The following ATP6V1B2 variants were observed in gnomAD, a reference collection of about 807,000 sequenced individuals.
The protein encoded by ATP6V1B2 is ATPase H+ transporting V1 subunit B2.
Under a neutral mutation model 66.7 loss-of-function variants are expected in ATP6V1B2, and 23 were observed. The observed-to-expected ratio is 0.34, with a 90% CI of 0.25 to 0.49. ATP6V1B2 has a LOEUF of 0.49. Among genes scored for constraint, ATP6V1B2 ranks in the 20% least tolerant of loss-of-function variants. The pLI is 0.99. For synonymous variants in ATP6V1B2, 278 were observed against 236.7 expected, an observed-to-expected ratio of 1.17 and a Z score of -1.60; for missense variants, 478 against 650.8, an observed-to-expected ratio of 0.73 and a Z score of 2.89.
chr8:20,213,057 TC>T, intron 9 of ATP6V1B2, 152 bp downstream of exon 9: 1 of 1,069,960 alleles, frequency 9.3e-7, no homozygotes, highest in Non-Finnish European at 1.3e-6. Context: ...GGAAACTACT[TC>T]GTTTTTGTCA....
intron 1 of ATP6V1B2, among the ~76,000 whole-genome samples, chr8:20,198,765 G>A (rs972877244): frequency 3.3e-5 from 5 of 152,196 alleles, no homozygotes; most frequent in African/African-American, 1.2e-4. Context: ...ACTGCAGTGT[G>A]AAGAAAAAGG....
rs749916258 is a variant in ATP6V1B2 at position 20,212,206 on chromosome 8, A to G, written c.803+7A>G. On this transcript the variant is annotated splice_region_variant and intron_variant, in intron 8 of 13. Coordinates refer to ENST00000276390, the MANE Select transcript of ATP6V1B2 (RefSeq NM_001693.4). Reference sequence around the variant, plus strand: ...ACTTGGCTAATGACCCAACGTAAGTAACAGAGCTATTTCTTTCTGTGGCCC... The same window carrying G: ...ACTTGGCTAATGACCCAACGTAAGTGACAGAGCTATTTCTTTCTGTGGCCC... 6.2e-7 allele frequency: 1 copy of G among 1,611,746 alleles called. No homozygotes were observed. Among genetic ancestry groups the G allele is most frequent in the East Asian group, 2.2e-5 (1 of 44,826 alleles).
chr8:20,212,627 C>T (rs1207863421), intron 8 of ATP6V1B2, among the ~76,000 whole-genome samples, 155 bp from the exon 9 acceptor site: 1 of 152,184 alleles, frequency 6.6e-6, no homozygotes, highest in African/African-American at 2.4e-5. Flanking sequence ...TAATACCTTA[C>T]TTAAGAATTT....
At chr8:20,198,471 A>T (rs2072651085) in intron 1 of ATP6V1B2, among the ~76,000 whole-genome samples, 1 of 152,234 alleles carries the variant, frequency 6.6e-6, no homozygotes, top group Non-Finnish European at 1.5e-5. Context: ...ATTCCAAAAG[A>T]AATGGTTCTT....
chr8:20,197,496 G>A lies in ATP6V1B2; in HGVS notation c.90G>A (p.Glu30=), dbSNP rs1242315872. ...PTGGPAVGAR[E]QALAVSRNYL... ...GTGGGCCGGCGGTGGGAGCTCGGGA[G>A]CAGGCGCTGGCAGTCAGTCGGAACT... The change falls in exon 1 of 14, where the codon GAG becomes GAA. Residue 30 remains glutamate (E), a synonymous_variant. Transcript: ENST00000276390. 25 of 1,491,224 alleles carry A rather than the reference G, an allele frequency of 1.7e-5. No individual in the cohort carries two copies. Among genetic ancestry groups the A allele is most frequent in the Non-Finnish European group, 2.1e-5 (23 of 1,118,990 alleles). 92.4% of individuals were successfully genotyped at this position (1,491,224 alleles called of 1,614,324 possible).
intron 2 of ATP6V1B2, among the ~76,000 whole-genome samples, chr8:20,205,666 A>G (rs1302377666): frequency 6.6e-6 from 1 of 152,190 alleles, no homozygotes; most frequent in Middle Eastern, 3.2e-3. Flanking sequence ...TGTTTTTAAC[A>G]TAAAACATAT....
At chr8:20,199,032 G>A (rs1320677339) in intron 1 of ATP6V1B2, among the ~76,000 whole-genome samples, 1 of 152,194 alleles carries the variant, frequency 6.6e-6, no homozygotes, top group East Asian at 1.9e-4. Context: ...CTCAAAAAAG[G>A]TTATAAAGGT....
chr8:20,197,464 C>G lies in ATP6V1B2; in HGVS notation c.58C>G (p.Pro20Ala). The G allele has an allele frequency of 1.3e-6, 2 of 1,529,116 alleles. No homozygotes were observed. The highest frequency in any genetic ancestry group is 1.4e-5 in the African/African-American group (1 of 69,710). 94.7% of individuals were successfully genotyped at this position (1,529,116 alleles called of 1,614,324 possible). A position where few individuals can be genotyped will look rare whatever the true frequency, so the allele number is the denominator to read the frequency against. The change falls in exon 1 of 14, where the codon CCC (proline) becomes GCC (alanine). Residue 20 changes from proline (P) to alanine (A), a missense_variant. Pro to Ala is a conservative substitution (Grantham distance 27). Around this residue, in one of 2 missense-constraint regions of ATP6V1B2, gnomAD observed 152 missense variants for 105.2 expected, o/e 1.44. Coordinates refer to ENST00000276390, the MANE Select transcript of ATP6V1B2 (RefSeq NM_001693.4). The part of the protein sequence containing the change: ...VNGAAPELPV[P>A]TGGPAVGARE... Reference sequence around the variant, plus strand: ...CGGGGCCGCACCCGAGCTACCCGTGCCCACCGGTGGGCCGGCGGTGGGAGC... The same window carrying G: ...CGGGGCCGCACCCGAGCTACCCGTGGCCACCGGTGGGCCGGCGGTGGGAGC...
In ATP6V1B2 at chr8:20,220,251, C is replaced by CA. The variant is rs769355837; in HGVS notation, c.1397-10dup. 11 of 1,602,570 alleles carry CA rather than the reference C, an allele frequency of 6.9e-6. No individual in the cohort carries two copies. In the African/African-American group the frequency reaches 1.5e-4, roughly 22 times the overall value. On this transcript the variant is annotated splice_polypyrimidine_tract_variant and intron_variant, in intron 13 of 13. Coordinates refer to ENST00000276390, the MANE Select transcript of ATP6V1B2 (RefSeq NM_001693.4). The stretch of plus-strand genomic sequence containing the variant: ...TCATTTGCATTTATTAATTCAATCT[C>CA]AATTTTTTAAGGTCCTTACGAAAAT...
chr8:20,197,414 T>A lies in ATP6V1B2; in HGVS notation c.8T>A (p.Leu3Gln). 6.5e-7 allele frequency: 1 copy of A among 1,541,740 alleles called. No individual in the cohort carries two copies. Reference sequence around the variant, plus strand: ...CGGGACAGAGGAGACAAGATGGCGCTGCGGGCGATGCGGGGGATTGTCAAC... The same window carrying A: ...CGGGACAGAGGAGACAAGATGGCGCAGCGGGCGATGCGGGGGATTGTCAAC... The part of the protein sequence containing the change: MA[L>Q]RAMRGIVNGA... Residue 3 changes from leucine (L) to glutamine (Q), a missense_variant, in exon 1 of 14, where the codon CTG becomes CAG. Leu to Gln is a moderately radical substitution (Grantham distance 113). Coordinates refer to ENST00000276390, the MANE Select transcript of ATP6V1B2 (RefSeq NM_001693.4).
chr8:20,210,053 C>A (rs1209057157), intron 3 of ATP6V1B2, among the ~76,000 whole-genome samples: 2 of 147,266 alleles, frequency 1.4e-5, no homozygotes, highest in Non-Finnish European at 3.0e-5. Flanking sequence ...TTTGAAACAA[C>A]CCTTTAAAAA....
At chr8:20,201,901 C>A (rs544843314) in intron 1 of ATP6V1B2, among the ~76,000 whole-genome samples, 1 of 152,232 alleles carries the variant, frequency 6.6e-6, no homozygotes, top group African/African-American at 2.4e-5. Flanking sequence ...TGGTTCAGGG[C>A]ATCACATGGT....
At position 20,212,160 on chromosome 8, in the gene ATP6V1B2, A is replaced by T. The variant is rs1224141925; in HGVS notation, c.764A>T (p.Asp255Val). The T allele has an allele frequency of 6.2e-7, 1 of 1,613,596 alleles. No homozygotes were observed. The highest frequency in any genetic ancestry group is 1.3e-5 in the African/African-American group (1 of 74,910). Residue 255 changes from aspartate to valine, a missense_variant, in exon 8 of 14, where the codon GAC becomes GTC. Physicochemically the swap from Asp to Val is radical, Grantham distance 152 (BLOSUM62 -3). Around this residue, in one of 2 missense-constraint regions of ATP6V1B2, gnomAD observed 326 missense variants for 545.6 expected, o/e 0.60. Coordinates refer to ENST00000276390, the MANE Select transcript of ATP6V1B2 (RefSeq NM_001693.4). The part of the protein sequence containing the change: ...KSDFEENGSM[D>V]NVCLFLNLAN... Reference sequence around the variant, plus strand: ...GACTTTGAAGAAAATGGCTCAATGGACAATGTCTGCCTCTTTTTGAACTTG... The same window carrying T: ...GACTTTGAAGAAAATGGCTCAATGGTCAATGTCTGCCTCTTTTTGAACTTG...
At chr8:20,211,115 C>T in intron 5 of ATP6V1B2, 62 bp from the exon 6 acceptor site, 1 of 1,572,936 alleles carries the variant, frequency 6.4e-7, no homozygotes, top group Non-Finnish European at 8.6e-7. Context: ...GATATGATAT[C>T]TAATTTCATT....
At chr8:20,215,083 G>T in intron 10 of ATP6V1B2, 115 bp downstream of exon 10, 1 of 1,146,718 alleles carries the variant, frequency 8.7e-7, no homozygotes, top group Non-Finnish European at 1.2e-6. Context: ...AGTTTATCTT[G>T]GTTATTTGCC....
intron 2 of ATP6V1B2, among the ~76,000 whole-genome samples, chr8:20,208,226 T>C (rs1218097878): frequency 6.6e-6 from 1 of 152,216 alleles, no homozygotes; most frequent in African/African-American, 2.4e-5. Context: ...CATACAAGAA[T>C]GCTCATTGTA....
chr8:20,212,197 A>T lies in ATP6V1B2; in HGVS notation c.801A>T (p.Pro267=). The change falls in exon 8 of 14, where the codon CCA becomes CCT. Residue 267 remains proline, a splice_region_variant and synonymous_variant. Coordinates refer to ENST00000276390, the MANE Select transcript of ATP6V1B2 (RefSeq NM_001693.4). The stretch of plus-strand genomic sequence containing the variant: ...TCTTTTTGAACTTGGCTAATGACCC[A>T]ACGTAAGTAACAGAGCTATTTCTTT... The part of the protein sequence containing the change: ...VCLFLNLAND[P]TIERIITPRL... The T allele has an allele frequency of 6.2e-7, 1 of 1,612,816 alleles. No individual in the cohort carries two copies.
chr8:20,218,181 T>G lies in ATP6V1B2; in HGVS notation c.1295T>G (p.Val432Gly). 1 of 1,613,360 alleles carries G rather than the reference T, an allele frequency of 6.2e-7. No individual in the cohort carries two copies. The highest frequency in any genetic ancestry group is 8.5e-7 in the Non-Finnish European group (1 of 1,179,450). Residue 432 changes from valine to glycine, a missense_variant, in exon 13 of 14, where the codon GTG (valine) becomes GGG (glycine). By Grantham distance (109) the Val-to-Gly change is moderately radical (BLOSUM62 -3). Coordinates refer to ENST00000276390, the MANE Select transcript of ATP6V1B2 (RefSeq NM_001693.4). The stretch of plus-strand genomic sequence containing the variant: ...GCGTGCTATGCTATTGGAAAGGATG[T>G]GCAAGCCATGAAAGCTGTCGTTGGA... ...LYACYAIGKDVQAMKAVVGEE... is the reference protein window; with the variant it reads ...LYACYAIGKDGQAMKAVVGEE...
At chr8:20,220,210 A>T (rs1464080875) in intron 13 of ATP6V1B2, 53 bp from the exon 14 acceptor site, 15 of 1,577,788 alleles carry the variant, frequency 9.5e-6, no homozygotes, top group Non-Finnish European at 1.2e-5. Flanking sequence ...ACTGGATAAC[A>T]CTGCTAAGTT....
Sources: gnomAD v4.1 joint callset for allele counts (sites outside exome capture counted in the v4.1 genomes callset) on GRCh38, gnomAD v4.1.1 for gene constraint, gnomAD v4.1.1 regional missense constraint, MANE v1.5 for transcripts, NCBI Gene and HGNC (gene_info 2026-07-23, HGNC 2026-07-21) for gene names.